MAOB: variants seen among roughly 807,000 people sequenced by gnomAD.
The protein encoded by MAOB is amine oxidase [flavin-containing] B.
Under a neutral mutation model 41.9 loss-of-function variants are expected in MAOB, and 15 were observed. The observed-to-expected ratio is 0.36, with a 90% CI of 0.24 to 0.55. The LOEUF is 0.55. MAOB is among the 20% of genes least tolerant of loss of function. MAOB has a pLI of 0.86. For synonymous variants in MAOB, 167 were observed against 144.2 expected, an observed-to-expected ratio of 1.16 and a Z score of -1.13; for missense variants, 345 against 398.7, an observed-to-expected ratio of 0.87 and a Z score of 1.15.
chrX:43,809,926 G>T (rs1210249751), intron 3 of MAOB, among the ~76,000 whole-genome samples: 1 of 111,493 alleles, frequency 9.0e-6, no homozygotes, highest in African/African-American at 3.3e-5. Flanking sequence ...TGACTAGATT[G>T]GGATCTCATA....
Position 43,882,412 on chromosome X carries a change from C to A in MAOB, c.-113G>T. 5 of 1,080,828 alleles carry A rather than the reference C, an allele frequency of 4.6e-6. No homozygotes were observed. Among genetic ancestry groups the A allele is most frequent in the Non-Finnish European group, 6.0e-6 (5 of 833,668 alleles). The allele number at this position is 1,080,828 out of a possible 1,213,427, so 89.1% of individuals were successfully genotyped here. ...CGCCTGCCCGCCGGCCTGCTGCGCG[C>A]TGCCCCCGTGCACCAGCGCCTCGGC... is the stretch of plus-strand genomic sequence containing the variant. On this transcript the variant is annotated 5_prime_UTR_variant, in exon 1 of 15. Coordinates refer to ENST00000378069, the MANE Select transcript of MAOB (RefSeq NM_000898.5).
intron 1 of MAOB, among the ~76,000 whole-genome samples, chrX:43,878,608 T>A (rs7063171): frequency 9.0e-6 from 1 of 111,533 alleles, no homozygotes; most frequent in African/African-American, 3.3e-5. Flanking sequence ...TTCAGGCATA[T>A]CTATATAATT....
At chrX:43,832,584 C>T (rs183513382) in intron 3 of MAOB, among the ~76,000 whole-genome samples, 220 of 111,973 alleles carry the variant, frequency 2.0e-3, no homozygotes, top group African/African-American at 6.7e-3. Flanking sequence ...ATTGTCTCTT[C>T]CTTATGATTT....
At chrX:43,779,829 G>A (rs1486037811) in intron 10 of MAOB, among the ~76,000 whole-genome samples, 1 of 111,757 alleles carries the variant, frequency 8.9e-6, no homozygotes, top group Admixed American at 9.5e-5. Flanking sequence ...AGTGGTGTGG[G>A]AATAAATAAT....
At chrX:43,816,238 C>T (rs187094967) in intron 3 of MAOB, among the ~76,000 whole-genome samples, 16 of 111,649 alleles carry the variant, frequency 1.4e-4, no homozygotes, top group Admixed American at 3.8e-4. Flanking sequence ...CATGAGGAGG[C>T]CTGTGGGGGC....
chrX:43,845,169 A>G (rs1428802452), intron 1 of MAOB, among the ~76,000 whole-genome samples: 1 of 111,778 alleles, frequency 8.9e-6, no homozygotes, highest in African/African-American at 3.3e-5. Context: ...TACAGAATTT[A>G]GCAAGCTTTC....
At chrX:43,844,487 T>G (rs2035177088) in intron 1 of MAOB, 1 of 111,981 alleles carries the variant, frequency 8.9e-6, no homozygotes, top group Non-Finnish European at 1.9e-5. Context: ...GGTGTCAACT[T>G]GACTGGATGG....
At chrX:43,832,475 C>T (rs2035029421) in intron 3 of MAOB, among the ~76,000 whole-genome samples, 1 of 111,600 alleles carries the variant, frequency 9.0e-6, no homozygotes, top group Non-Finnish European at 1.9e-5. Flanking sequence ...GGAAGACCGA[C>T]TTTTCCTCTT....
chrX:43,834,062 A>G (rs1357245122), intron 3 of MAOB, among the ~76,000 whole-genome samples: 1 of 112,289 alleles, frequency 8.9e-6, no homozygotes, highest in Non-Finnish European at 1.9e-5. Flanking sequence ...TTCCATAATA[A>G]GACATATTTG....
chrX:43,832,519 G>C (rs1376461548), intron 3 of MAOB, among the ~76,000 whole-genome samples: 2 of 111,558 alleles, frequency 1.8e-5, no homozygotes, highest in African/African-American at 6.5e-5. Context: ...ATGTGAAGAT[G>C]ATGAGGATGA....
chrX:43,802,306 T>G, intron 4 of MAOB, 43 bp from the exon 5 acceptor site: 1 of 891,323 alleles, frequency 1.1e-6, no homozygotes, highest in Non-Finnish European at 1.6e-6. Flanking sequence ...CAAATGTAAT[T>G]TTCTCTTTTA....
chrX:43,770,977 G>A (rs1482737076), intron 12 of MAOB, among the ~76,000 whole-genome samples: 1 of 111,807 alleles, frequency 8.9e-6, no homozygotes, highest in Admixed American at 9.5e-5. Flanking sequence ...TCTGATAAGC[G>A]ATGTCAAGAA....
intron 1 of MAOB, among the ~76,000 whole-genome samples, chrX:43,854,649 G>T (rs2035276914): frequency 9.0e-6 from 1 of 111,702 alleles, no homozygotes; most frequent in African/African-American, 3.3e-5. Context: ...TGCATGTTCT[G>T]CACATGCATC....
intron 11 of MAOB, among the ~76,000 whole-genome samples, chrX:43,775,752 G>T (rs904477622): frequency 3.5e-4 from 39 of 111,870 alleles, no homozygotes; most frequent in Non-Finnish European, 6.2e-4. Flanking sequence ...TGGCAGGCAA[G>T]CACTTCTGTT....
chrX:43,817,159 A>G (rs907214729), intron 3 of MAOB, among the ~76,000 whole-genome samples: 2 of 102,247 alleles, frequency 2.0e-5, no homozygotes, highest in African/African-American at 7.3e-5. Context: ...TCTCTCTGCT[A>G]TAGCTCTCTG....
At chrX:43,831,198 A>C (rs777373760) in intron 3 of MAOB, among the ~76,000 whole-genome samples, 5 of 111,575 alleles carry the variant, frequency 4.5e-5, no homozygotes, top group Admixed American at 9.6e-5. Flanking sequence ...GTTAATGGAT[A>C]TGTAACCCAG....
At chrX:43,849,210 T>C (rs1012757246) in intron 1 of MAOB, among the ~76,000 whole-genome samples, 4 of 111,633 alleles carry the variant, frequency 3.6e-5, no homozygotes, top group African/African-American at 9.8e-5. Context: ...TTTTAAGAAC[T>C]TATTTATCCT....
chrX:43,782,934 C>T (rs1039693879), intron 8 of MAOB, among the ~76,000 whole-genome samples: 1 of 111,717 alleles, frequency 9.0e-6, no homozygotes, highest in Non-Finnish European at 1.9e-5. Flanking sequence ...TTCGATAAAA[C>T]TCAACAGCCC....
chrX:43,879,000 T>C (rs374102513), intron 1 of MAOB, among the ~76,000 whole-genome samples: 207 of 112,110 alleles, frequency 1.8e-3, no homozygotes, highest in African/African-American at 6.2e-3. Context: ...ATTTTGGGGA[T>C]TGAACAAGAA....
Sources: allele counts gnomAD v4.1 joint callset (sites outside exome capture counted in the v4.1 genomes callset), GRCh38; gene constraint gnomAD v4.1.1; transcripts MANE v1.5; gene names NCBI Gene and HGNC (gene_info 2026-07-23, HGNC 2026-07-21).